The following DCC variants were observed in gnomAD, a reference collection of about 807,000 sequenced individuals.
DCC encodes the protein netrin receptor DCC.
Under a neutral mutation model 172.5 loss-of-function variants are expected in DCC, and 58 were observed. That is an observed-to-expected ratio of 0.34 (90% confidence interval 0.27 to 0.42). DCC has a LOEUF of 0.42. Ranked by LOEUF, DCC falls within the 10% of genes least tolerant of loss-of-function variation. The probability of loss-of-function intolerance (pLI) is 1.00; values close to 1 mark genes in which losing one functional copy is unlikely to be tolerated. For missense variants in DCC, 1,740 were observed against 1,791.0 expected (o/e 0.97, Z 0.51); for synonymous variants, 709 against 644.5 (o/e 1.10, Z -1.52).
Position 53,531,959 on chromosome 18 carries a change from T to C in DCC, c.*1306T>C, listed in dbSNP as rs1210198347. The C allele has an allele frequency of 6.6e-6, 1 of 152,250 alleles. No individual in the cohort carries two copies. Among genetic ancestry groups the C allele is most frequent in the African/African-American group, 2.4e-5 (1 of 41,478 alleles). 9.4% of individuals were successfully genotyped at this position (152,250 alleles called of 1,614,324 possible). A position where few individuals can be genotyped will look rare whatever the true frequency, so the allele number is the denominator to read the frequency against. ...TTTTAAACTTCTATTGCCATGTTTA[T>C]CTACAGCTTGGAACTAGCTAAAATT... On this transcript the variant is annotated 3_prime_UTR_variant, in exon 29 of 29. Transcript: ENST00000442544.
chr18:52,449,495 A>G (rs1453033656), intron 1 of DCC, among the ~76,000 whole-genome samples: 7 of 152,244 alleles, frequency 4.6e-5, no homozygotes, highest in Admixed American at 1.3e-4. Context: ...TTGCAGTTAC[A>G]GTAAATTCAG....
At chr18:52,987,708 C>T (rs2041317990) in intron 5 of DCC, among the ~76,000 whole-genome samples, 1 of 152,174 alleles carries the variant, frequency 6.6e-6, no homozygotes, top group African/African-American at 2.4e-5. Context: ...TAGCTTACCA[C>T]ATTCCTGGGA....
chr18:52,794,018 G>A (rs185080050), intron 2 of DCC, among the ~76,000 whole-genome samples: 10 of 152,138 alleles, frequency 6.6e-5, no homozygotes, highest in Admixed American at 5.9e-4. Context: ...ATTGGTCTAT[G>A]TGTTTTATTC....
chr18:53,068,771 C>CTG (rs74683814), intron 7 of DCC, among the ~76,000 whole-genome samples: 6,281 of 143,592 alleles, frequency 0.044, 212 homozygotes, highest in East Asian at 0.17. Flanking sequence ...ACCTTTTAGA[C>CTG]TGTGTGTGTG....
At chr18:53,340,185 G>C (rs2057641709) in intron 15 of DCC, among the ~76,000 whole-genome samples, 1 of 151,954 alleles carries the variant, frequency 6.6e-6, no homozygotes, top group South Asian at 2.1e-4. Flanking sequence ...CCTTGCTTAT[G>C]GGTTATAGGA....
intron 5 of DCC, among the ~76,000 whole-genome samples, chr18:52,956,109 C>G (rs2040737773): frequency 6.6e-6 from 1 of 151,628 alleles, no homozygotes; most frequent in Non-Finnish European, 1.5e-5. Flanking sequence ...TGGATTTTGC[C>G]TTTAGTGTTG....
intron 12 of DCC, among the ~76,000 whole-genome samples, chr18:53,266,166 A>T (rs1047605812): frequency 6.6e-6 from 1 of 152,176 alleles, no homozygotes; most frequent in Non-Finnish European, 1.5e-5. Context: ...TGTCAACATC[A>T]CTACACATTT....
At chr18:52,850,327 A>G (rs866328809) in intron 2 of DCC, among the ~76,000 whole-genome samples, 2 of 152,168 alleles carry the variant, frequency 1.3e-5, no homozygotes, top group South Asian at 2.1e-4. Context: ...GAGTTCAGCA[A>G]TTAGCTTTAA....
chr18:52,475,957 C>T (rs1362166074), intron 1 of DCC, among the ~76,000 whole-genome samples: 4 of 152,124 alleles, frequency 2.6e-5, no homozygotes, highest in Admixed American at 2.6e-4. Context: ...ATAATTTCAC[C>T]AAGAAGATTA....
At chr18:53,428,546 AT>A (rs1911274709) in intron 21 of DCC, among the ~76,000 whole-genome samples, 1 of 35,480 alleles carries the variant, frequency 2.8e-5, no homozygotes, top group African/African-American at 9.4e-5. Flanking sequence ...TTATATATAT[AT>A]AAATATATTT....
At chr18:52,671,383 TC>T (rs2035550086) in intron 1 of DCC, among the ~76,000 whole-genome samples, 1 of 152,144 alleles carries the variant, frequency 6.6e-6, no homozygotes. Context: ...CCTTGCTGGC[TC>T]TTTTTAATGT....
chr18:52,599,611 T>C (rs1243135662), intron 1 of DCC, among the ~76,000 whole-genome samples: 2 of 151,960 alleles, frequency 1.3e-5, no homozygotes, highest in African/African-American at 4.8e-5. Flanking sequence ...GCCTCCTGGG[T>C]TCAAGCGATT....
chr18:52,342,148 A>C (rs1164459406), intron 1 of DCC, among the ~76,000 whole-genome samples: 1 of 152,208 alleles, frequency 6.6e-6, no homozygotes, highest in African/African-American at 2.4e-5. Flanking sequence ...TCAAGCGCCA[A>C]GGCAGCCCGA....
chr18:52,684,151 A>G (rs1382715766), intron 1 of DCC, among the ~76,000 whole-genome samples: 1 of 152,104 alleles, frequency 6.6e-6, no homozygotes. Context: ...TTATTAAAAT[A>G]TACATTTTGG....
chr18:53,450,604 C>G lies in DCC; in HGVS notation c.3334C>G (p.Leu1112Val), dbSNP rs1568139820. ...GGTCACCGTTGGTGTCATCACAGTG[C>G]TGGTAGTGGTCATCGTGGCTGTGAT... is the stretch of plus-strand genomic sequence containing the variant. ...IVVTVGVITV[L>V]VVVIVAVICT... The change falls in exon 23 of 29, where the codon CTG becomes GTG. Residue 1112 changes from leucine (L) to valine (V), a missense_variant. Around this residue, in one of 2 missense-constraint regions of DCC, gnomAD observed 1,732 missense variants for 1,767.4 expected, o/e 0.98. Transcript: ENST00000442544. 1 of 1,612,058 alleles carries G rather than the reference C, an allele frequency of 6.2e-7. No homozygotes were observed.
intron 16 of DCC, among the ~76,000 whole-genome samples, chr18:53,390,022 C>A (rs1219335581): frequency 6.6e-6 from 1 of 152,144 alleles, no homozygotes; most frequent in African/African-American, 2.4e-5. Context: ...AAACTAGAAA[C>A]AAGTAAAACA....
chr18:52,589,446 G>T (rs112247335), intron 1 of DCC, among the ~76,000 whole-genome samples: 7 of 152,102 alleles, frequency 4.6e-5, no homozygotes, highest in Non-Finnish European at 8.8e-5. Context: ...TTCCCTGAAG[G>T]CTTTGGATAT....
At chr18:53,315,879 T>C (rs564101219) in intron 13 of DCC, among the ~76,000 whole-genome samples, 97 of 152,292 alleles carry the variant, frequency 6.4e-4, no homozygotes, top group African/African-American at 2.3e-3. Flanking sequence ...CTTTGTCAGA[T>C]GGATAGATTA....
intron 1 of DCC, among the ~76,000 whole-genome samples, chr18:52,439,726 T>C (rs567276027): frequency 6.6e-6 from 1 of 152,316 alleles, no homozygotes; most frequent in African/African-American, 2.4e-5. Flanking sequence ...CAGCAGAATC[T>C]AACAGAGCTA....
Sources: gnomAD v4.1 joint callset for allele counts (sites outside exome capture counted in the v4.1 genomes callset) on GRCh38, gnomAD v4.1.1 for gene constraint, gnomAD v4.1.1 regional missense constraint, MANE v1.5 for transcripts, NCBI Gene and HGNC (gene_info 2026-07-23, HGNC 2026-07-21) for gene names.